Variants in TTLL3 observed in about 807,000 individuals in gnomAD.
TTLL3 encodes the protein tubulin monoglycylase TTLL3.
Under a neutral mutation model 75.2 loss-of-function variants are expected in TTLL3, and 63 were observed. The ratio of observed to expected loss-of-function variants is 0.84; its 90% CI spans 0.68 to 1.03. The LOEUF is 1.03. TTLL3 is among the 50% of genes least tolerant of loss of function. TTLL3 has a pLI of 0.00. For synonymous variants in TTLL3, 393 were observed against 418.5 expected, an observed-to-expected ratio of 0.94 and a Z score of 0.74; for missense variants, 997 against 1,069.9, an observed-to-expected ratio of 0.93 and a Z score of 0.95.
chr3:9,833,294 C>T (rs1202683951), intron 12 of TTLL3, 49 bp downstream of exon 12: 1 of 1,607,168 alleles, frequency 6.2e-7, no homozygotes, highest in South Asian at 1.1e-5. Flanking sequence ...AGGAAAGGCA[C>T]TGGGGCCAGG....
At chr3:9,815,599 C>T (rs2079770440) in intron 4 of TTLL3, among the ~76,000 whole-genome samples, 1 of 152,248 alleles carries the variant, frequency 6.6e-6, no homozygotes. Flanking sequence ...CACTGATGAC[C>T]ATGGGCCAGA....
Position 9,810,855 on chromosome 3 carries a change from A to T in TTLL3, c.48+146A>T. Reference sequence around the variant, plus strand: ...TCAACCACCACACCCATCTTCAACTACCTCCCCGTTTACCCCTTCAGCACC... The same window carrying T: ...TCAACCACCACACCCATCTTCAACTTCCTCCCCGTTTACCCCTTCAGCACC... On this transcript the variant is annotated intron_variant, in intron 2 of 13. Transcript: ENST00000685419. This position sits in a 1 kb window ranked among gnomAD's most constrained non-coding sequence, Gnocchi z 4.4. The T allele has an allele frequency of 1.4e-6, 1 of 731,094 alleles. No homozygotes were observed. The highest frequency in any genetic ancestry group is 2.1e-5 in the South Asian group (1 of 46,674). 45.3% of individuals were successfully genotyped at this position (731,094 alleles called of 1,614,324 possible). A position where few individuals can be genotyped will look rare whatever the true frequency, so the allele number is the denominator to read the frequency against.
At chr3:9,820,885 CTGCCTCCG>C (rs2080349213) in intron 8 of TTLL3, 144 bp downstream of exon 8, 2 of 1,372,190 alleles carry the variant, frequency 1.5e-6, no homozygotes, top group Admixed American at 5.5e-5. Flanking sequence ...AGGACTCCCA[CTGCCTCCG>C]TGATAGGGTC....
chr3:9,821,614 A>G (rs1479072023), intron 8 of TTLL3, among the ~76,000 whole-genome samples: 1 of 152,234 alleles, frequency 6.6e-6, no homozygotes, highest in East Asian at 1.9e-4. Context: ...CACGTAATTC[A>G]CTGCATCTTT....
Position 9,833,909 on chromosome 3 carries a change from G to A in TTLL3, c.1825+664G>A, listed in dbSNP as rs886128000. On this transcript the variant is annotated intron_variant, in intron 12 of 13. Coordinates refer to ENST00000685419, the MANE Select transcript of TTLL3 (RefSeq NM_001387446.1). ...GCAGATCACTTGAGGTCAGGAGTTC[G>A]AGACCAGCCTGGCCAACATGGTGAA... Among the ~76,000 whole-genome samples the A allele has an allele frequency of 2.6e-5, 4 of 151,908 alleles. No homozygotes were observed. In the East Asian group the frequency reaches 5.8e-4, roughly 22 times the overall value.
intron 7 of TTLL3, chr3:9,819,210 T>C (rs181981989): frequency 4.7e-6 from 2 of 425,296 alleles, no homozygotes; most frequent in East Asian, 4.6e-5. Flanking sequence ...TTCATCTACC[T>C]GATGTCAGCT....
In TTLL3 at chr3:9,810,566, G is replaced by A. The variant is rs1489129010; in HGVS notation, c.-41-55G>A. ...GGGCGGCCAGAAAAGATCCTAGGCC[G>A]AGACCCTAGGCCCAGCCTCAGTGTA... On this transcript the variant is annotated intron_variant, in intron 1 of 13. Coordinates refer to ENST00000685419, the MANE Select transcript of TTLL3 (RefSeq NM_001387446.1). This position sits in a 1 kb window ranked among gnomAD's most constrained non-coding sequence, Gnocchi z 4.4. The A allele has an allele frequency of 1.1e-5, 17 of 1,525,974 alleles. No homozygotes were observed. Among genetic ancestry groups the A allele is most frequent in the Admixed American group, 2.1e-5 (1 of 46,592 alleles). 94.5% of individuals were successfully genotyped at this position (1,525,974 alleles called of 1,614,324 possible).
chr3:9,820,299 G>T, intron 7 of TTLL3: 2 of 1,345,118 alleles, frequency 1.5e-6, no homozygotes, highest in Non-Finnish European at 1.9e-6. Flanking sequence ...CAGAGGCCTT[G>T]GGGACATTTA....
intron 4 of TTLL3, 48 bp from the exon 5 acceptor site, chr3:9,816,026 T>G: frequency 7.6e-7 from 1 of 1,322,200 alleles, no homozygotes; most frequent in Non-Finnish European, 1.0e-6. Context: ...CCTTAGGCCC[T>G]GCTACCCACA....
chr3:9,821,607 G>A (rs187916120), intron 8 of TTLL3, among the ~76,000 whole-genome samples: 48 of 152,328 alleles, frequency 3.2e-4, no homozygotes, highest in Non-Finnish European at 5.6e-4. Flanking sequence ...TCATTAGCAC[G>A]TAATTCACTG....
intron 10 of TTLL3, chr3:9,827,465 T>A: frequency 1.4e-6 from 1 of 724,456 alleles, no homozygotes; most frequent in Non-Finnish European, 2.1e-6. Context: ...TGCAGTGGCA[T>A]GGTCACGGCT....
chr3:9,822,467 C>T (rs540663385), intron 8 of TTLL3, among the ~76,000 whole-genome samples: 49 of 152,110 alleles, frequency 3.2e-4, no homozygotes, highest in Admixed American at 1.2e-3. Flanking sequence ...ATATAACAGA[C>T]ATACACAGTG....
In TTLL3 at chr3:9,823,099, C is replaced by T. The variant is rs186069907; in HGVS notation, c.854+2358C>T. 3.4e-3 allele frequency among the ~76,000 whole-genome samples: 509 copies of T among 149,518 alleles called. 7 individuals carry two copies. Among genetic ancestry groups the T allele is most frequent in the Non-Finnish European group, 1.8e-3 (119 of 67,464 alleles). ...TCTCTTCTAAAAATACAAAAATTAG[C>T]AGGGCCGGGCACGGTGGCTCACGCC... On this transcript the variant is annotated intron_variant, in intron 8 of 13. Coordinates refer to ENST00000685419, the MANE Select transcript of TTLL3 (RefSeq NM_001387446.1).
chr3:9,829,532 C>T, intron 11 of TTLL3, 137 bp downstream of exon 11: 1 of 1,144,796 alleles, frequency 8.7e-7, no homozygotes, highest in South Asian at 1.9e-5. Flanking sequence ...AAGGTGACCT[C>T]ACTTCCTTGA....
upstream of TTLL3, chr3:9,810,050 T>C (rs1251557724): frequency 9.1e-6 from 12 of 1,324,794 alleles, no homozygotes; most frequent in South Asian, 2.2e-4. This position sits in a 1 kb window ranked among gnomAD's most constrained non-coding sequence, Gnocchi z 4.4. Context: ...GCGAGGGAGC[T>C]GGGGCCCGGG....
In TTLL3 at chr3:9,827,097, G is replaced by GC. The variant is rs1333653786; in HGVS notation, c.1105dup (p.Arg369ProfsTer11). On this transcript the variant is annotated frameshift_variant, in exon 10 of 14. Transcript: ENST00000685419. LOFTEE classifies it high-confidence loss of function. Reference sequence around the variant, plus strand: ...AGTGGGTGGTGCAGAAGTATATTGAGCGGCCCCTCCTCATCTTTGGCACCA... The same window carrying GC: ...AGTGGGTGGTGCAGAAGTATATTGAGCCGGCCCCTCCTCATCTTTGGCACCA... 6.2e-7 allele frequency: 1 copy of GC among 1,614,234 alleles called. No individual in the cohort carries two copies.
chr3:9,832,222 A>T, intron 11 of TTLL3, among the ~76,000 whole-genome samples: 1 of 149,632 alleles, frequency 6.7e-6, no homozygotes, highest in East Asian at 2.0e-4. Flanking sequence ...AGTAGCTGGG[A>T]TTACAGGTGC....
intron 8 of TTLL3, among the ~76,000 whole-genome samples, chr3:9,823,849 A>G (rs66499519): frequency 0.24 from 37,055 of 152,248 alleles, 4,899 homozygotes; most frequent in East Asian, 0.56. Flanking sequence ...AAGAAATGCG[A>G]GAGTCTGGAT....
chr3:9,818,316 A>G (rs931684388), intron 6 of TTLL3: 1 of 166,576 alleles, frequency 6.0e-6, no homozygotes, highest in African/African-American at 2.4e-5. Context: ...AAGGCAGAAT[A>G]TGATCCAAGT....
Sources: gnomAD v4.1 joint callset for allele counts (sites outside exome capture counted in the v4.1 genomes callset) on GRCh38, gnomAD v4.1.1 for gene constraint, Gnocchi (gnomAD v3.1) non-coding constraint, MANE v1.5 for transcripts, NCBI Gene and HGNC (gene_info 2026-07-23, HGNC 2026-07-21) for gene names.